Variants in PHIP observed in about 807,000 individuals in gnomAD.
The protein encoded by PHIP is PH-interacting protein.
A neutral mutation model predicts 236.8 loss-of-function variants in PHIP; 54 were observed. The ratio of observed to expected loss-of-function variants is 0.23; its 90% CI spans 0.18 to 0.29. The LOEUF is 0.29. PHIP is among the 10% of genes least tolerant of loss of function. The pLI, the probability that PHIP is intolerant of heterozygous loss-of-function variation, is 1.00. For synonymous variants in PHIP, 756 were observed against 718.9 expected (o/e 1.05, Z -0.83); for missense variants, 1,370 against 2,190.8 (o/e 0.63, Z 7.48).
chr6:78,946,797 A>G lies in PHIP; in HGVS notation c.4284T>C (p.Ala1428=). The change falls in exon 37 of 40, where the codon GCT becomes GCC. Residue 1428 remains alanine (A), a synonymous_variant. Coordinates refer to ENST00000275034, the MANE Select transcript of PHIP (RefSeq NM_017934.7). ...ISSVLSDYKS[A]LRFHKRNTIT... is the part of the protein sequence containing the mutation. ...TGGTATTTCTTTTATGAAAACGAAG[A>G]GCAGATTTATAATCTGATAAAACTG... 2 of 1,595,072 alleles carry G rather than the reference A, an allele frequency of 1.3e-6. No individual in the cohort carries two copies. Among genetic ancestry groups the G allele is most frequent in the Non-Finnish European group, 1.7e-6 (2 of 1,170,964 alleles).
intron 4 of PHIP, among the ~76,000 whole-genome samples, chr6:79,072,628 C>G (rs954560951): frequency 2.6e-5 from 4 of 151,978 alleles, no homozygotes; most frequent in African/African-American, 7.3e-5. Context: ...GGACTACAGG[C>G]ATGCGCCACT....
chr6:79,062,633 T>C lies in PHIP; in HGVS notation c.190-1815A>G, dbSNP rs147060768. Among the ~76,000 whole-genome samples, 548 of 152,324 alleles carry C rather than the reference T, an allele frequency of 3.6e-3. 4 individuals carry two copies. Among genetic ancestry groups the C allele is most frequent in the African/African-American group, 0.012 (496 of 41,582 alleles). The stretch of plus-strand genomic sequence containing the variant: ...TTCAGGTAGTGAAACTGAAAATCCT[T>C]ACTGTAATATTCTATCTTTCAATAA... On this transcript the variant is annotated intron_variant, in intron 4 of 39. Coordinates refer to ENST00000275034, the MANE Select transcript of PHIP (RefSeq NM_017934.7).
At chr6:78,963,350 A>C (rs1187026507) in intron 29 of PHIP, 98 bp from the exon 30 acceptor site, 1 of 914,492 alleles carries the variant, frequency 1.1e-6, no homozygotes, top group African/African-American at 1.8e-5. Flanking sequence ...ATTAAAGTAT[A>C]TTTTGTATAG....
At chr6:79,016,693 C>T in intron 12 of PHIP, 51 bp from the exon 13 acceptor site, 1 of 1,086,026 alleles carries the variant, frequency 9.2e-7, no homozygotes, top group Non-Finnish European at 1.4e-6. Flanking sequence ...CATGCTTTAC[C>T]AAAATGCACT....
At chr6:78,995,459 G>C (rs1206949188) in intron 19 of PHIP, among the ~76,000 whole-genome samples, 1 of 152,170 alleles carries the variant, frequency 6.6e-6, no homozygotes, top group Non-Finnish European at 1.5e-5. Flanking sequence ...TTCCCAAAAT[G>C]GCTCTATCAT....
At chr6:79,017,417 G>A in intron 11 of PHIP, 31 bp from the exon 12 acceptor site, 2 of 1,588,578 alleles carry the variant, frequency 1.3e-6, no homozygotes, top group Non-Finnish European at 1.7e-6. Context: ...AAAAAAGTGG[G>A]TGCTGAATAT....
chr6:79,028,545 C>T (rs906873660), intron 7 of PHIP, among the ~76,000 whole-genome samples: 3 of 152,140 alleles, frequency 2.0e-5, no homozygotes, highest in East Asian at 1.9e-4. Flanking sequence ...CTGGTCTATA[C>T]GCACATCGGA....
chr6:79,063,600 AGAGACGGGG>A (rs1332536148), intron 4 of PHIP, among the ~76,000 whole-genome samples: 1 of 152,126 alleles, frequency 6.6e-6, no homozygotes, highest in Admixed American at 6.5e-5. Flanking sequence ...TATTTTTAGT[AGAGACGGGG>A]TTTTGCCATG....
intron 9 of PHIP, among the ~76,000 whole-genome samples, chr6:79,021,596 G>T (rs1355839488): frequency 1.3e-5 from 2 of 152,196 alleles, no homozygotes; most frequent in Non-Finnish European, 2.9e-5. Flanking sequence ...GGAACTGGAG[G>T]TTATTATGCT....
intron 24 of PHIP, among the ~76,000 whole-genome samples, chr6:78,976,213 T>G (rs1298431867): frequency 6.7e-6 from 1 of 148,436 alleles, no homozygotes; most frequent in Non-Finnish European, 1.5e-5. Flanking sequence ...CCCTCAGAAA[T>G]AACGCCGCAT....
At chr6:79,024,988 C>T (rs938886709) in intron 9 of PHIP, among the ~76,000 whole-genome samples, 3 of 151,904 alleles carry the variant, frequency 2.0e-5, no homozygotes, top group South Asian at 2.1e-4. Context: ...TTTGATAAAC[C>T]GAAGTATTAA....
At chr6:79,072,082 T>G (rs1773910414) in intron 4 of PHIP, among the ~76,000 whole-genome samples, 1 of 152,176 alleles carries the variant, frequency 6.6e-6, no homozygotes, top group South Asian at 2.1e-4. Flanking sequence ...ATAAACAGAT[T>G]GACAAAACAG....
At chr6:79,012,260 A>G (rs1770622188) in intron 15 of PHIP, among the ~76,000 whole-genome samples, 1 of 151,780 alleles carries the variant, frequency 6.6e-6, no homozygotes, top group Admixed American at 6.6e-5. Flanking sequence ...TTCTTAAAAT[A>G]TACTTGATAA....
At chr6:79,046,120 C>A (rs898289601) in intron 6 of PHIP, among the ~76,000 whole-genome samples, 4 of 152,316 alleles carry the variant, frequency 2.6e-5, no homozygotes, top group Admixed American at 1.3e-4. Context: ...TTATCTCTAA[C>A]CTTACCTGCT....
intron 37 of PHIP, 22 bp downstream of exon 37, chr6:78,946,689 G>A (rs1454020971): frequency 2.0e-6 from 3 of 1,525,536 alleles, no homozygotes; most frequent in Non-Finnish European, 2.6e-6. Context: ...TCAGCTAGTG[G>A]TATTTAAAAG....
At chr6:78,974,523 G>A (rs1317559932) in intron 24 of PHIP, among the ~76,000 whole-genome samples, 1 of 151,292 alleles carries the variant, frequency 6.6e-6, no homozygotes, top group Non-Finnish European at 1.5e-5. Context: ...AAATAACTAA[G>A]ATCAGAGCAG....
chr6:79,026,525 A>G (rs1192560365), intron 7 of PHIP, among the ~76,000 whole-genome samples: 1 of 151,974 alleles, frequency 6.6e-6, no homozygotes, highest in Non-Finnish European at 1.5e-5. Context: ...GACTAATATT[A>G]TCTATTTTGT....
intron 15 of PHIP, among the ~76,000 whole-genome samples, chr6:79,005,712 G>A (rs1770254383): frequency 6.6e-6 from 1 of 152,014 alleles, no homozygotes; most frequent in Admixed American, 6.6e-5. Context: ...GTAGAGTGGA[G>A]ACTTGAAAGT....
At position 78,976,052 on chromosome 6, in the gene PHIP, G is replaced by A. The variant is rs1335041607; in HGVS notation, c.2889+2540C>T. Among the ~76,000 whole-genome samples, 130 of 151,750 alleles carry A rather than the reference G, an allele frequency of 8.6e-4. No homozygotes were observed. In the Middle Eastern group the frequency reaches 0.031, roughly 36 times the overall value. ...TAAAGTTCATATGGAACCAAAAAAG[G>A]GCCCGCATTGCCAAGTCAATCCTAA... On this transcript the variant is annotated intron_variant, in intron 24 of 39. Transcript: ENST00000275034.
Sources: gnomAD v4.1 joint callset for allele counts (sites outside exome capture counted in the v4.1 genomes callset) on GRCh38, gnomAD v4.1.1 for gene constraint, MANE v1.5 for transcripts, NCBI Gene and HGNC (gene_info 2026-07-23, HGNC 2026-07-21) for gene names.